The following USP34 variants were observed in gnomAD, a reference collection of about 807,000 sequenced individuals.
USP34 encodes ubiquitin specific peptidase 34.
USP34 carries 70 observed loss-of-function variants against 460.3 expected under a neutral mutation model. The observed-to-expected ratio is 0.15, with a 90% CI of 0.13 to 0.19. The LOEUF is 0.19. Among genes scored for constraint, USP34 ranks in the 10% least tolerant of loss-of-function variants. The pLI is 1.00. For synonymous variants in USP34, 1,647 were observed against 1,405.3 expected, an observed-to-expected ratio of 1.17 and a Z score of -3.85; for missense variants, 3,985 against 4,236.2, an observed-to-expected ratio of 0.94 and a Z score of 1.65.
chr2:61,325,516 A>C, intron 20 of USP34, 59 bp from the exon 21 acceptor site: 1 of 1,145,614 alleles, frequency 8.7e-7, no homozygotes, highest in Non-Finnish European at 1.2e-6. Context: ...ACTTTTAAAA[A>C]TTTAGTGGTC....
intron 27 of USP34, among the ~76,000 whole-genome samples, chr2:61,306,245 T>C (rs1572918501): frequency 6.6e-6 from 1 of 152,224 alleles, no homozygotes; most frequent in Non-Finnish European, 1.5e-5. Flanking sequence ...TTATTTTTTG[T>C]ATAAGGTGTA....
chr2:61,202,830 GTTTTGTT>G (rs1279019241), intron 75 of USP34, among the ~76,000 whole-genome samples: 1 of 152,056 alleles, frequency 6.6e-6, no homozygotes, highest in Non-Finnish European at 1.5e-5. Flanking sequence ...AAGCAGAGCA[GTTTTGTT>G]TTTTGTTTTC....
intron 69 of USP34, 71 bp downstream of exon 69, chr2:61,211,701 C>T: frequency 7.1e-7 from 1 of 1,410,564 alleles, no homozygotes; most frequent in Non-Finnish European, 9.3e-7. Flanking sequence ...AATGATTTAT[C>T]TTTAAACATC....
At chr2:61,307,970 G>C (rs1044577826) in intron 27 of USP34, among the ~76,000 whole-genome samples, 3 of 152,050 alleles carry the variant, frequency 2.0e-5, no homozygotes, top group African/African-American at 7.2e-5. Flanking sequence ...GATCACCTGA[G>C]AACGGGAGGT....
chr2:61,230,754 G>A (rs1228219853), intron 58 of USP34, among the ~76,000 whole-genome samples: 1 of 150,568 alleles, frequency 6.6e-6, no homozygotes, highest in African/African-American at 2.5e-5. Context: ...TGAGGCAGGA[G>A]AATCACTTGA....
chr2:61,319,753 G>C (rs958154686), intron 21 of USP34, among the ~76,000 whole-genome samples: 1 of 152,132 alleles, frequency 6.6e-6, no homozygotes. Context: ...GCTGAGACAG[G>C]AGAATTGCTT....
At chr2:61,353,623 G>T (rs1692020254) in intron 10 of USP34, among the ~76,000 whole-genome samples, 1 of 151,500 alleles carries the variant, frequency 6.6e-6, no homozygotes, top group Non-Finnish European at 1.5e-5. Context: ...TGAAGACAGG[G>T]TTTCGCCATG....
At chr2:61,208,260 T>C (rs1572836287) in intron 70 of USP34, 1 of 152,216 alleles carries the variant, frequency 6.6e-6, no homozygotes, top group Admixed American at 6.5e-5. Context: ...AACGCAACCA[T>C]CTGTCTCTCA....
intron 47 of USP34, 85 bp from the exon 48 acceptor site, chr2:61,256,563 G>T: frequency 9.0e-7 from 1 of 1,115,590 alleles, no homozygotes; most frequent in Admixed American, 3.4e-5. Flanking sequence ...AATTTTGACA[G>T]AATGCTCAGC....
At position 61,452,105 on chromosome 2, in the gene USP34, C is replaced by T. The variant is rs1364262251; in HGVS notation, c.43+18545G>A. On this transcript the variant is annotated intron_variant, in intron 1 of 79. Coordinates refer to ENST00000398571, the MANE Select transcript of USP34 (RefSeq NM_014709.4). ...AGGAGAATGGTGTGAACCCAGGAGG[C>T]GGAGCTTGCAGTGAGCCGAGATCAT... is the stretch of plus-strand genomic sequence containing the variant. Among the ~76,000 whole-genome samples the T allele has an allele frequency of 8.3e-4, 124 of 149,328 alleles. 1 individual carries two copies. Among genetic ancestry groups the T allele is most frequent in the African/African-American group, 2.6e-3 (105 of 40,580 alleles).
chr2:61,388,187 G>A (rs575488144), intron 5 of USP34, among the ~76,000 whole-genome samples: 44 of 152,102 alleles, frequency 2.9e-4, no homozygotes, highest in African/African-American at 9.6e-4. Context: ...AGGTTGCAAC[G>A]AATTGAGATC....
At chr2:61,277,570 G>A (rs1354562055) in intron 41 of USP34, 1 of 152,266 alleles carries the variant, frequency 6.6e-6, no homozygotes, top group East Asian at 1.9e-4. Context: ...TCAGTCACAG[G>A]AATTAACATC....
At chr2:61,190,160 A>C in intron 78 of USP34, 111 bp downstream of exon 78, 1 of 1,445,696 alleles carries the variant, frequency 6.9e-7, no homozygotes, top group East Asian at 2.3e-5. Context: ...CACATGGCTT[A>C]AGAGTTTGAA....
Position 61,188,051 on chromosome 2 carries a change from G to T in USP34, c.*51C>A. On this transcript the variant is annotated 3_prime_UTR_variant, in exon 80 of 80. Coordinates refer to ENST00000398571, the MANE Select transcript of USP34 (RefSeq NM_014709.4). The stretch of plus-strand genomic sequence containing the variant: ...CAAATAAGCAAAACTTATACAAACA[G>T]CATGGGGGTTGGGGGTGAGGGACTT... 6.4e-7 allele frequency: 1 copy of T among 1,561,446 alleles called. No individual in the cohort carries two copies. The highest frequency in any genetic ancestry group is 8.6e-7 in the Non-Finnish European group (1 of 1,156,304).
At chr2:61,234,679 C>T (rs1688012170) in intron 57 of USP34, among the ~76,000 whole-genome samples, 1 of 152,068 alleles carries the variant, frequency 6.6e-6, no homozygotes, top group African/African-American at 2.4e-5. Flanking sequence ...CTCACTCTGT[C>T]GCCCAGGCTG....
intron 1 of USP34, among the ~76,000 whole-genome samples, chr2:61,449,614 T>G (rs189970393): frequency 6.6e-6 from 1 of 151,354 alleles, no homozygotes; most frequent in Non-Finnish European, 1.5e-5. Context: ...GGCGTAAGGA[T>G]AGACATACAG....
At chr2:61,223,944 C>A (rs982743145) in intron 62 of USP34, among the ~76,000 whole-genome samples, 2 of 152,126 alleles carry the variant, frequency 1.3e-5, no homozygotes, top group Non-Finnish European at 2.9e-5. Context: ...TTCATTTGAA[C>A]CCCCATCCAC....
chr2:61,383,568 TGGCGCGCACCTGTA>T (rs542371925), intron 5 of USP34, among the ~76,000 whole-genome samples: 68 of 152,088 alleles, frequency 4.5e-4, no homozygotes, highest in African/African-American at 1.6e-3. Flanking sequence ...CCGGGCATGG[TGGCGCGCACCTGTA>T]GTCCCAGCTA....
At chr2:61,235,455 T>C (rs988354855) in intron 57 of USP34, among the ~76,000 whole-genome samples, 1 of 151,582 alleles carries the variant, frequency 6.6e-6, no homozygotes, top group South Asian at 2.1e-4. Context: ...CCTCCCGAGG[T>C]GCTGGGACTA....
Sources: gnomAD v4.1 joint callset for allele counts (sites outside exome capture counted in the v4.1 genomes callset) on GRCh38, gnomAD v4.1.1 for gene constraint, MANE v1.5 for transcripts, NCBI Gene and HGNC (gene_info 2026-07-23, HGNC 2026-07-21) for gene names.